Variants in DUSP15 observed in about 807,000 individuals in gnomAD.
DUSP15 encodes dual specificity protein phosphatase 15.
Under a neutral mutation model 26.3 loss-of-function variants are expected in DUSP15, and 23 were observed. The observed-to-expected ratio is 0.87, with a 90% CI of 0.63 to 1.24. The LOEUF is 1.24. Among genes scored for constraint, DUSP15 ranks in the 50% most tolerant of loss-of-function variants. DUSP15 has a pLI of 0.00. For missense variants in DUSP15, 364 were observed against 320.6 expected, an observed-to-expected ratio of 1.14 and a Z score of -1.03; for synonymous variants, 143 against 135.5, an observed-to-expected ratio of 1.06 and a Z score of -0.39.
chr20:31,869,966 AG>A, intron 1 of DUSP15: 1 of 1,352,184 alleles, frequency 7.4e-7, no homozygotes, highest in Non-Finnish European at 9.5e-7. Context: ...GAGGCGGGAC[AG>A]GATGGAGAAA....
intron 6 of DUSP15, among the ~76,000 whole-genome samples, chr20:31,854,074 C>G (rs2062518886): frequency 6.6e-6 from 1 of 152,180 alleles, no homozygotes; most frequent in Non-Finnish European, 1.5e-5. Context: ...CAGGCAAGGC[C>G]AGTGTGGTCA....
rs766056551 is a variant in DUSP15 at position 31,861,515 on chromosome 20, C to A, written c.596G>T (p.Arg199Leu). ...HSAASEGTVQ[R>L]LVPRTPREAH... ...TTCCCGGGGCGTGCGCGGCACCAGGCGCTGCACGGTTCCCTCGGAGGCTGC... is the reference window on the plus strand; with the variant it reads ...TTCCCGGGGCGTGCGCGGCACCAGGAGCTGCACGGTTCCCTCGGAGGCTGC... The change falls in exon 7 of 7, where the codon CGC becomes CTC. Residue 199 changes from arginine (R) to leucine (L), a missense_variant. Transcript: ENST00000339738. 1.7e-4 allele frequency: 256 copies of A among 1,526,420 alleles called. No individual in the cohort carries two copies. The highest frequency in any genetic ancestry group is 2.1e-4 in the Non-Finnish European group (246 of 1,145,842). The allele number at this position is 1,526,420 out of a possible 1,614,324, so 94.6% of individuals were successfully genotyped here.
At chr20:31,850,838 C>T (rs557888048) in intron 6 of DUSP15, among the ~76,000 whole-genome samples, 28 of 152,250 alleles carry the variant, frequency 1.8e-4, no homozygotes, top group African/African-American at 6.5e-4. Context: ...AGGAACCCTG[C>T]TGGGCCAGCC....
intron 7 of DUSP15, chr20:31,850,604 T>C (rs753081380): frequency 6.2e-7 from 1 of 1,609,700 alleles, no homozygotes; most frequent in Non-Finnish European, 8.5e-7. Context: ...GGGATTTCGA[T>C]TCCTTACCAG....
At position 31,864,954 on chromosome 20, in the gene DUSP15, T is replaced by C. The variant is rs535990337; in HGVS notation, c.187A>G (p.Ile63Val). ...ATGGGTCCATCCAGGGGAACTTACA[T>C]GGGTACCTCAGGGGTATCAGCGACC... ...IPVADTPEVPIKKHFKECINF... is the reference protein window; with the variant it reads ...IPVADTPEVPVKKHFKECINF... The change falls in exon 4 of 7, where the codon ATC becomes GTC. Residue 63 changes from isoleucine to valine, a missense_variant and splice_region_variant. Transcript: ENST00000339738. 1.9e-6 allele frequency: 3 copies of C among 1,613,772 alleles called. No individual in the cohort carries two copies. The African/African-American group carries it at 4.0e-5, about 22-fold the overall frequency.
chr20:31,860,858 G>C (rs1489379299), downstream of DUSP15, among the ~76,000 whole-genome samples: 5 of 152,186 alleles, frequency 3.3e-5, no homozygotes, highest in Admixed American at 2.0e-4. Context: ...CGTGGCTTTG[G>C]GGGAGGGGAG....
exon 10 of DUSP15, chr20:31,848,275 G>A: frequency 9.0e-7 from 1 of 1,111,770 alleles, no homozygotes; most frequent in Middle Eastern, 2.7e-4. Flanking sequence ...TGACAGAGGA[G>A]TGGAAGGCCG....
At chr20:31,860,678 A>G (rs1404593397), downstream of DUSP15, among the ~76,000 whole-genome samples, 1 of 152,228 alleles carries the variant, frequency 6.6e-6, no homozygotes. Flanking sequence ...TCATGCAGTA[A>G]AAGGTCAGGA....
At chr20:31,862,033 C>T (rs2062671896) in intron 6 of DUSP15, among the ~76,000 whole-genome samples, 1 of 152,104 alleles carries the variant, frequency 6.6e-6, no homozygotes, top group African/African-American at 2.4e-5. Context: ...AACCCCATTC[C>T]CACAGATTTC....
At chr20:31,846,837 G>C (rs1050921977), downstream of DUSP15, among the ~76,000 whole-genome samples, 3 of 152,178 alleles carry the variant, frequency 2.0e-5, no homozygotes, top group African/African-American at 7.2e-5. Flanking sequence ...CTCTAACATG[G>C]AGCTGGTGAC....
At chr20:31,849,497 C>T (rs563299383) in intron 8 of DUSP15, 2 of 740,012 alleles carry the variant, frequency 2.7e-6, no homozygotes, top group Admixed American at 1.8e-5. Flanking sequence ...CTTATGCCCC[C>T]GTTCCCACGC....
intron 8 of DUSP15, chr20:31,849,546 G>A (rs1231938975): frequency 1.0e-6 from 1 of 962,704 alleles, no homozygotes; most frequent in Non-Finnish European, 1.7e-6. Flanking sequence ...ACCGCCTGGA[G>A]GAAGCCGCGT....
downstream of DUSP15, among the ~76,000 whole-genome samples, chr20:31,858,329 C>T (rs1375901309): frequency 6.6e-6 from 1 of 152,226 alleles, no homozygotes; most frequent in Non-Finnish European, 1.5e-5. This position sits in a 1 kb window ranked among gnomAD's most constrained non-coding sequence, Gnocchi z 4.4. Flanking sequence ...CACCTGCCGT[C>T]GGGGACCTTT....
rs777546001 is a variant in DUSP15 at position 31,862,575 on chromosome 20, T to G, written c.431A>C (p.Gln144Pro). ...QLEEFGWASS[Q>P]KLRRQLEERF... is the part of the protein sequence containing the mutation. ...AGCCCTTGACCCCATCCCTACCTTCTGGGAACTGGCCCAGCCAAACTCTTC... is the reference window on the plus strand; with the variant it reads ...AGCCCTTGACCCCATCCCTACCTTCGGGGAACTGGCCCAGCCAAACTCTTC... Residue 144 changes from glutamine to proline, a missense_variant, in exon 6 of 7, where the codon CAG becomes CCG. Gln to Pro is a moderately conservative substitution (Grantham distance 76). Transcript: ENST00000339738. The G allele has an allele frequency of 8.7e-6, 14 of 1,607,402 alleles. No individual in the cohort carries two copies. The highest frequency in any genetic ancestry group is 1.2e-5 in the Non-Finnish European group (14 of 1,175,614).
At chr20:31,851,290 G>A (rs1051411206) in intron 6 of DUSP15, among the ~76,000 whole-genome samples, 1 of 152,010 alleles carries the variant, frequency 6.6e-6, no homozygotes, top group Admixed American at 6.6e-5. Flanking sequence ...GGGGGTGGGG[G>A]TGATGAGCAC....
intron 6 of DUSP15, among the ~76,000 whole-genome samples, chr20:31,854,514 T>A (rs1274203884): frequency 6.6e-6 from 1 of 152,048 alleles, no homozygotes; most frequent in Non-Finnish European, 1.5e-5. Flanking sequence ...ACTAGAGGTG[T>A]ATTGGTTTTG....
At position 31,863,927 on chromosome 20, in the gene DUSP15, C is replaced by G; in HGVS notation, c.243G>C (p.Gly81=). 6.2e-7 allele frequency: 1 copy of G among 1,614,064 alleles called. No homozygotes were observed. Residue 81 remains glycine, a synonymous_variant, in exon 5 of 7, where the codon GGG becomes GGC. Transcript: ENST00000339738. ...CTCACCAGTGCACAAGGCAGTTCCC[C>G]CCATTAAGGCGGCAGCAGTGGATGA... ...INFIHCCRLN[G]GNCLVHCFAG... is the part of the protein sequence containing the mutation.
rs1416285599 is a variant in DUSP15, at chr20:31,861,200, G to T, written c.*203C>A. 3 of 1,348,074 alleles carry T rather than the reference G, an allele frequency of 2.2e-6. No individual in the cohort carries two copies. The East Asian group carries it at 9.4e-5, about 42-fold the overall frequency. The allele number at this position is 1,348,074 out of a possible 1,614,324, so 83.5% of individuals were successfully genotyped here. On this transcript the variant is annotated 3_prime_UTR_variant, in exon 7 of 7. Transcript: ENST00000339738. The stretch of plus-strand genomic sequence containing the variant: ...CCAAGGACTAAGGCACCAGGTGGCT[G>T]CAGCAGGCCGGCCCGGACACAGAGA...
chr20:31,846,049 CAG>C (rs1568646050), downstream of DUSP15, among the ~76,000 whole-genome samples: 1 of 151,956 alleles, frequency 6.6e-6, no homozygotes, highest in East Asian at 1.9e-4. Flanking sequence ...CAGACACTCA[CAG>C]AGAGACACAC....
Sources: allele counts gnomAD v4.1 joint callset (sites outside exome capture counted in the v4.1 genomes callset), GRCh38; gene constraint gnomAD v4.1.1; non-coding constraint Gnocchi (gnomAD v3.1); transcripts MANE v1.5; gene names NCBI Gene and HGNC (gene_info 2026-07-23, HGNC 2026-07-21).